The following GOLGB1 variants were observed in gnomAD, a reference collection of about 807,000 sequenced individuals.
GOLGB1 encodes golgin subfamily B member 1.
In GOLGB1, 174 loss-of-function variants were observed where a neutral mutation model predicts 336.9. The ratio of observed to expected loss-of-function variants is 0.52; its 90% CI spans 0.46 to 0.59. The LOEUF is 0.59. GOLGB1 is among the 20% of genes least tolerant of loss of function. The pLI, the probability that GOLGB1 is intolerant of heterozygous loss-of-function variation, is 0.00. For synonymous variants in GOLGB1, 1,208 were observed against 1,289.2 expected, an observed-to-expected ratio of 0.94 and a Z score of 1.35; for missense variants, 3,331 against 3,645.3, an observed-to-expected ratio of 0.91 and a Z score of 2.22.
intron 10 of GOLGB1, among the ~76,000 whole-genome samples, chr3:121,704,541 G>C (rs1943655404): frequency 2.0e-5 from 3 of 152,150 alleles, no homozygotes; most frequent in Admixed American, 2.0e-4. Flanking sequence ...AGTTTGGGAG[G>C]GCGAGGCAGG....
At chr3:121,727,293 CATATATATATAT>C (rs1235174337) in intron 4 of GOLGB1, among the ~76,000 whole-genome samples, 3 of 27,582 alleles carry the variant, frequency 1.1e-4, no homozygotes, top group South Asian at 1.6e-3. Context: ...CACACACACA[CATATATATATAT>C]ATATATATAT....
intron 17 of GOLGB1, among the ~76,000 whole-genome samples, chr3:121,670,537 G>T (rs998684627): frequency 1.3e-5 from 2 of 152,066 alleles, no homozygotes; most frequent in African/African-American, 2.4e-5. Context: ...TTGTCATTCT[G>T]AAGAGCAATG....
rs201961145 is a variant in GOLGB1 at position 121,692,494 on chromosome 3, T to C, written c.6870A>G (p.Glu2290=). ...QQKVCDTLQG[E]NKELLSQLEE... Reference sequence around the variant, plus strand: ...CTAGCTGGGACAAAAGTTCTTTGTTTTCCCCCTGTAGAGTATCACAGACCT... The same window carrying C: ...CTAGCTGGGACAAAAGTTCTTTGTTCTCCCCCTGTAGAGTATCACAGACCT... Residue 2290 remains glutamate, a synonymous_variant, in exon 14 of 22, where the codon GAA becomes GAG. Transcript: ENST00000614479. 6.2e-7 allele frequency: 1 copy of C among 1,613,882 alleles called. No individual in the cohort carries two copies. Among genetic ancestry groups the C allele is most frequent in the Non-Finnish European group, 8.5e-7 (1 of 1,179,924 alleles).
intron 2 of GOLGB1, 25 bp from the exon 3 acceptor site, chr3:121,730,042 A>C (rs372912261): frequency 8.2e-6 from 13 of 1,579,802 alleles, no homozygotes; most frequent in South Asian, 1.1e-5. Flanking sequence ...AAAAGTTGCC[A>C]GTGCACCAGG....
intron 14 of GOLGB1, among the ~76,000 whole-genome samples, chr3:121,688,222 C>T (rs939798332): frequency 6.6e-6 from 1 of 152,216 alleles, no homozygotes; most frequent in South Asian, 2.1e-4. Flanking sequence ...TCCACGGTCT[C>T]CCTCTGATGC....
intron 1 of GOLGB1, among the ~76,000 whole-genome samples, chr3:121,747,384 C>T (rs575580065): frequency 2.7e-4 from 37 of 136,720 alleles, no homozygotes; most frequent in African/African-American, 5.9e-4. Flanking sequence ...TGTCTATATA[C>T]GTATATATAT....
At chr3:121,704,039 T>C (rs1943616515) in intron 10 of GOLGB1, among the ~76,000 whole-genome samples, 1 of 151,552 alleles carries the variant, frequency 6.6e-6, no homozygotes, top group African/African-American at 2.4e-5. Flanking sequence ...GACAGTAGAA[T>C]ATAGACGACA....
chr3:121,699,830 T>G lies in GOLGB1; in HGVS notation c.1575A>C (p.Ala525=), dbSNP rs143276604. 4 of 1,603,214 alleles carry G rather than the reference T, an allele frequency of 2.5e-6. No homozygotes were observed. The African/African-American group carries it at 4.0e-5, about 16-fold the overall frequency. Residue 525 remains alanine, a synonymous_variant, in exon 12 of 22, where the codon GCA becomes GCC. Transcript: ENST00000614479. ...CACTTACCTCACTGACTTCTCTGTC[T>G]GCCTCCCCAGTTCTATTCTGAGCCT... ...LLEAQNRTGE[A]DREVSEISIV...
intron 1 of GOLGB1, among the ~76,000 whole-genome samples, chr3:121,734,277 C>T (rs1288395012): frequency 1.3e-5 from 2 of 151,304 alleles, no homozygotes; most frequent in African/African-American, 4.9e-5. Context: ...GTAGTCCCAG[C>T]TACTCAGGAG....
chr3:121,693,016 A>G (rs1232442985), intron 13 of GOLGB1, among the ~76,000 whole-genome samples: 3 of 152,230 alleles, frequency 2.0e-5, no homozygotes, highest in Non-Finnish European at 4.4e-5. Context: ...GAGAGACATT[A>G]TTAGTTCTAT....
intron 15 of GOLGB1, among the ~76,000 whole-genome samples, chr3:121,679,334 T>A (rs1033039636): frequency 6.6e-6 from 1 of 152,174 alleles, no homozygotes; most frequent in African/African-American, 2.4e-5. Flanking sequence ...ATAAAACTCT[T>A]GGGCCTTATA....
At chr3:121,688,191 T>C (rs1941963680) in intron 14 of GOLGB1, among the ~76,000 whole-genome samples, 1 of 152,070 alleles carries the variant, frequency 6.6e-6, no homozygotes, top group Non-Finnish European at 1.5e-5. Context: ...TCTCTCCCCA[T>C]GGTCTCCCTC....
Position 121,685,574 on chromosome 3 carries a change from T to A in GOLGB1, c.8695-3709A>T, listed in dbSNP as rs139881042. Among the ~76,000 whole-genome samples, 226 of 139,490 alleles carry A rather than the reference T, an allele frequency of 1.6e-3. 2 individuals are homozygous for A. Among genetic ancestry groups the A allele is most frequent in the African/African-American group, 4.6e-3 (173 of 37,610 alleles). The allele number at this position is 139,490 out of a possible 152,430, so 91.5% of individuals were successfully genotyped here. Reference sequence around the variant, plus strand: ...ATAAATAAATAAATAAATAAATAAATAAAAAGTGCATACACTAACAGGGTT... The same window carrying A: ...ATAAATAAATAAATAAATAAATAAAAAAAAAGTGCATACACTAACAGGGTT... On this transcript the variant is annotated intron_variant, in intron 14 of 21. Transcript: ENST00000614479.
In GOLGB1 at chr3:121,690,749, G is replaced by A; in HGVS notation, c.8615C>T (p.Ala2872Val). Residue 2872 changes from alanine (A) to valine (V), a missense_variant, in exon 14 of 22, where the codon GCT becomes GTT. By Grantham distance (64) the Ala-to-Val change is moderately conservative. Coordinates refer to ENST00000614479, the MANE Select transcript of GOLGB1 (RefSeq NM_001366282.2). Reference sequence around the variant, plus strand: ...TTCAGCTGGGCTGGTGGAAGGCTGAGCTGCAGACCTCTGCTTCCCTTCCTC... The same window carrying A: ...TTCAGCTGGGCTGGTGGAAGGCTGAACTGCAGACCTCTGCTTCCCTTCCTC... ...KSEEGKQRSAAQPSTSPAEVQ... is the reference protein window; with the variant it reads ...KSEEGKQRSAVQPSTSPAEVQ... 5 of 1,564,680 alleles carry A rather than the reference G, an allele frequency of 3.2e-6. No individual in the cohort carries two copies. The South Asian group carries it at 5.0e-5, about 16-fold the overall frequency.
intron 5 of GOLGB1, among the ~76,000 whole-genome samples, chr3:121,723,174 T>C (rs547055977): frequency 1.9e-4 from 29 of 152,358 alleles, no homozygotes; most frequent in African/African-American, 7.0e-4. Flanking sequence ...ATATTTTTAA[T>C]TTTTAACATT....
chr3:121,704,817 A>G (rs563333978), intron 10 of GOLGB1, among the ~76,000 whole-genome samples: 110 of 151,866 alleles, frequency 7.2e-4, no homozygotes, highest in Admixed American at 1.2e-3. Context: ...AAAATTGTCA[A>G]TCGAGAATTA....
intron 10 of GOLGB1, among the ~76,000 whole-genome samples, chr3:121,708,258 A>G (rs1393703333): frequency 6.6e-6 from 1 of 152,116 alleles, no homozygotes; most frequent in Non-Finnish European, 1.5e-5. Context: ...ATGTGAGGGA[A>G]AAGATTAAAA....
At position 121,696,922 on chromosome 3, in the gene GOLGB1, C is replaced by T. The variant is rs1942998488; in HGVS notation, c.3601G>A (p.Glu1201Lys). 3 of 1,614,046 alleles carry T rather than the reference C, an allele frequency of 1.9e-6. No individual in the cohort carries two copies. Among genetic ancestry groups the T allele is most frequent in the South Asian group, 1.1e-5 (1 of 91,080 alleles). ...SRKAILKKAQ[E>K]KERHLREELK... The stretch of plus-strand genomic sequence containing the variant: ...TCCTCCCTGAGATGTCTTTCTTTCT[C>T]CTGTGCCTTTTTAAGAATTGCCTTG... Residue 1201 changes from glutamate (E) to lysine (K), a missense_variant, in exon 13 of 22, where the codon GAG becomes AAG. Coordinates refer to ENST00000614479, the MANE Select transcript of GOLGB1 (RefSeq NM_001366282.2).
intron 5 of GOLGB1, among the ~76,000 whole-genome samples, chr3:121,724,403 T>C (rs559166524): frequency 1.3e-5 from 2 of 152,308 alleles, no homozygotes; most frequent in East Asian, 3.9e-4. Context: ...TTGGCTGAAC[T>C]TGTCCAGTTT....
Sources: allele counts gnomAD v4.1 joint callset (sites outside exome capture counted in the v4.1 genomes callset), GRCh38; gene constraint gnomAD v4.1.1; transcripts MANE v1.5; gene names NCBI Gene and HGNC (gene_info 2026-07-23, HGNC 2026-07-21).